AKAP4: variants seen among roughly 807,000 people sequenced by gnomAD.
AKAP4 encodes A-kinase anchoring protein 4, also known as A-kinase anchor protein 4.
A neutral mutation model predicts 42.6 loss-of-function variants in AKAP4; 4 were observed. The observed-to-expected ratio is 0.09, with a 90% CI of 0.05 to 0.22. The LOEUF (loss-of-function observed/expected upper bound fraction) is 0.22. Among genes scored for constraint, AKAP4 ranks in the 10% least tolerant of loss-of-function variants. The pLI is 1.00. For missense variants in AKAP4, 551 were observed against 630.7 expected, an observed-to-expected ratio of 0.87 and a Z score of 1.35; for synonymous variants, 223 against 233.0, an observed-to-expected ratio of 0.96 and a Z score of 0.39.
chrX:50,191,929 A>G (rs933963598), intron 5 of AKAP4, among the ~76,000 whole-genome samples: 18 of 111,294 alleles, frequency 1.6e-4, no homozygotes, highest in African/African-American at 5.2e-4. Context: ...GATACTTCCA[A>G]CACCTCAAGA....
At position 50,193,627 on chromosome X, in the gene AKAP4, T is replaced by C; in HGVS notation, c.1086A>G (p.Pro362=). 1 of 1,211,842 alleles carries C rather than the reference T, an allele frequency of 8.3e-7. No individual in the cohort carries two copies. Among genetic ancestry groups the C allele is most frequent in the Non-Finnish European group, 1.1e-6 (1 of 895,503 alleles). The change falls in exon 5 of 6, where the codon CCA becomes CCG. Residue 362 remains proline, a synonymous_variant. Transcript: ENST00000358526. ...LKVHSSGKPI[P]ASVVLKRVLL... is the part of the protein sequence containing the mutation. ...ACACCCTCTTCAGGACCACAGATGC[T>C]GGAATTGGCTTCCCAGAGCTGTGCA...
At position 50,198,606 on chromosome X, in the gene AKAP4, C is replaced by A. The variant is rs782443328; in HGVS notation, c.123+51G>T. On this transcript the variant is annotated intron_variant, in intron 2 of 5. Coordinates refer to ENST00000358526, the MANE Select transcript of AKAP4 (RefSeq NM_003886.3). Reference sequence around the variant, plus strand: ...TATCTTGGGCCCCAGGATATCTATACCCATATGCCAATTTTTCCTACTCCT... The same window carrying A: ...TATCTTGGGCCCCAGGATATCTATAACCATATGCCAATTTTTCCTACTCCT... 7 of 978,135 alleles carry A rather than the reference C, an allele frequency of 7.2e-6. No individual in the cohort carries two copies. In the Admixed American group the frequency reaches 1.1e-4, roughly 16 times the overall value. The allele number at this position is 978,135 out of a possible 1,213,427, so 80.6% of individuals were successfully genotyped here.
Position 50,192,298 on chromosome X carries a change from A to G in AKAP4, c.2409+6T>C. ...CTTTCTTCTTGTGCCTTAATGCATT[A>G]CTTACCTTTTCCAGTTGTCCATCCT... On this transcript the variant is annotated splice_donor_region_variant and intron_variant, in intron 5 of 5. Coordinates refer to ENST00000358526, the MANE Select transcript of AKAP4 (RefSeq NM_003886.3). 8.5e-7 allele frequency: 1 copy of G among 1,180,184 alleles called. No homozygotes were observed. Among genetic ancestry groups the G allele is most frequent in the Admixed American group, 2.3e-5 (1 of 42,751 alleles).
rs781869477 is a variant in AKAP4 at position 50,193,249 on chromosome X, C to T, written c.1464G>A (p.Lys488=). The change falls in exon 5 of 6, where the codon AAG becomes AAA. Residue 488 remains lysine, a synonymous_variant. Coordinates refer to ENST00000358526, the MANE Select transcript of AKAP4 (RefSeq NM_003886.3). The part of the protein sequence containing the change: ...DKGKMKSDPC[K]SLTSAEKVGE... ...CGACTTTCTCAGCACTAGTCAGTGA[C>T]TTGCATGGGTCTGATTTCATTTTGC... The T allele has an allele frequency of 8.3e-7, 1 of 1,210,045 alleles. No homozygotes were observed. Among genetic ancestry groups the T allele is most frequent in the East Asian group, 3.0e-5 (1 of 33,757 alleles).
chrX:50,196,040 A>T (rs1557204327), intron 4 of AKAP4, among the ~76,000 whole-genome samples: 1 of 111,848 alleles, frequency 8.9e-6, no homozygotes, highest in Non-Finnish European at 1.9e-5. Context: ...TGTAGGAAAC[A>T]TGGGCTGCTT....
chrX:50,195,994 T>C (rs964854875), intron 4 of AKAP4, among the ~76,000 whole-genome samples: 39 of 111,395 alleles, frequency 3.5e-4, no homozygotes, highest in African/African-American at 1.2e-3. Context: ...TTTTTGCAAA[T>C]GAGCTTAAGT....
rs1429088225 is a variant in AKAP4, at chrX:50,193,853, C to A, written c.860G>T (p.Arg287Leu). Residue 287 changes from arginine to leucine, a missense_variant, in exon 5 of 6, where the codon CGT becomes CTT. Arg to Leu is a moderately radical substitution (Grantham distance 102). Transcript: ENST00000358526. ...EAVELTAAEM[R>L]GTGEESREGG... ...TTCCCTGGACTCCTCTCCAGTGCCA[C>A]GCATTTCTGCAGCTGTCAGTTCCAC... The A allele has an allele frequency of 8.3e-7, 1 of 1,211,793 alleles. No individual in the cohort carries two copies. The highest frequency in any genetic ancestry group is 1.1e-6 in the Non-Finnish European group (1 of 895,505).
In AKAP4 at chrX:50,194,255, T is replaced by C; in HGVS notation, c.458A>G (p.Glu153Gly). The change falls in exon 5 of 6, where the codon GAG becomes GGG. Residue 153 changes from glutamate to glycine, a missense_variant. By Grantham distance (98) the Glu-to-Gly change is moderately conservative (BLOSUM62 -2). Coordinates refer to ENST00000358526, the MANE Select transcript of AKAP4 (RefSeq NM_003886.3). ...ATCGGCATAGACACTGTAGCAGTTCTCAGAGGATGCTCTGTGATATTCGCC... is the reference window on the plus strand; with the variant it reads ...ATCGGCATAGACACTGTAGCAGTTCCCAGAGGATGCTCTGTGATATTCGCC... Reference protein sequence around the residue: ...TEGEYHRASSENCYSVYADQV... With the variant: ...TEGEYHRASSGNCYSVYADQV... The C allele has an allele frequency of 8.3e-7, 1 of 1,210,741 alleles. No homozygotes were observed. The highest frequency in any genetic ancestry group is 1.1e-6 in the Non-Finnish European group (1 of 895,121).
In AKAP4 at chrX:50,192,466, C is replaced by G; in HGVS notation, c.2247G>C (p.Gln749His). The change falls in exon 5 of 6, where the codon CAG becomes CAC. Residue 749 changes from glutamine (Q) to histidine (H), a missense_variant. Transcript: ENST00000358526. ...CATGTCCAAGAGAGTCTTGATAGTTCTGTGGCATTGCACCACTGTGAATGC... is the reference window on the plus strand; with the variant it reads ...CATGTCCAAGAGAGTCTTGATAGTTGTGTGGCATTGCACCACTGTGAATGC... ...TRCIHSGAMP[Q>H]NYQDSLGHEV... The G allele has an allele frequency of 1.4e-5, 17 of 1,210,045 alleles. No homozygotes were observed. Among genetic ancestry groups the G allele is most frequent in the Non-Finnish European group, 1.9e-5 (17 of 894,704 alleles).
chrX:50,197,683 CAG>C, intron 2 of AKAP4, 89 bp from the exon 3 acceptor site: 1 of 827,964 alleles, frequency 1.2e-6, no homozygotes. Flanking sequence ...GCACCTACCT[CAG>C]AGGGTTCTTG....
At chrX:50,196,325 G>A (rs1935191735) in intron 4 of AKAP4, among the ~76,000 whole-genome samples, 1 of 111,627 alleles carries the variant, frequency 9.0e-6, no homozygotes, top group Non-Finnish European at 1.9e-5. Context: ...AGGTATGAGA[G>A]GGTGACTTGT....
chrX:50,197,113 C>T (rs1935200778), intron 3 of AKAP4, 121 bp from the exon 4 acceptor site: 1 of 515,975 alleles, frequency 1.9e-6, no homozygotes, highest in Non-Finnish European at 3.2e-6. Flanking sequence ...TTTCTTTCTG[C>T]AGGAGAGGTA....
At position 50,190,960 on chromosome X, in the gene AKAP4, T is replaced by C; in HGVS notation, c.2565A>G (p.Ter855TrpextTer4). 5.0e-6 allele frequency: 6 copies of C among 1,210,126 alleles called. No individual in the cohort carries two copies. The highest frequency in any genetic ancestry group is 5.6e-6 in the Non-Finnish European group (5 of 895,032). The change falls in exon 6 of 6, where the codon TGA becomes TGG. Residue 855 changes from the stop codon to tryptophan (W), a stop_lost. Coordinates refer to ENST00000358526, the MANE Select transcript of AKAP4 (RefSeq NM_003886.3). ...QLLDWLLANL[*>W] ...AGATGAAGAGGAGTCAAGGATCAGC[T>C]CACAGGTTAGCGAGCAGCCAGTCCA...
chrX:50,198,699 A>G lies in AKAP4; in HGVS notation c.81T>C (p.Asp27=). The G allele has an allele frequency of 8.3e-7, 1 of 1,210,209 alleles. No individual in the cohort carries two copies. Among genetic ancestry groups the G allele is most frequent in the Non-Finnish European group, 1.1e-6 (1 of 894,697 alleles). Residue 27 remains aspartate (D), a synonymous_variant, in exon 2 of 6, where the codon GAT becomes GAC. Coordinates refer to ENST00000358526, the MANE Select transcript of AKAP4 (RefSeq NM_003886.3). Reference sequence around the variant, plus strand: ...CTTGCTGTCCTTCTGGGTTGTAGAGATCTACCTTGCACACACCCCTGTGGC... The same window carrying G: ...CTTGCTGTCCTTCTGGGTTGTAGAGGTCTACCTTGCACACACCCCTGTGGC... ...LRSHRGVCKV[D]LYNPEGQQDQ...
intron 4 of AKAP4, among the ~76,000 whole-genome samples, chrX:50,195,063 A>G (rs1389254392): frequency 8.9e-6 from 1 of 112,099 alleles, no homozygotes; most frequent in Non-Finnish European, 1.9e-5. Context: ...AGTATGTATC[A>G]TGCAGCTATA....
At chrX:50,191,848 G>A (rs1557203657) in intron 5 of AKAP4, among the ~76,000 whole-genome samples, 1 of 110,101 alleles carries the variant, frequency 9.1e-6, no homozygotes, top group Admixed American at 9.7e-5. Context: ...GTTTGGGGGA[G>A]GAGCATAGGG....
intron 5 of AKAP4, among the ~76,000 whole-genome samples, chrX:50,191,655 T>TGA (rs1935110618): frequency 1.8e-5 from 1 of 54,310 alleles, no homozygotes; most frequent in African/African-American, 9.3e-5. Flanking sequence ...TGTGTGTGTG[T>TGA]GTGTGAGAGA....
intron 5 of AKAP4, among the ~76,000 whole-genome samples, chrX:50,191,670 A>AAAGAGAG (rs1935114090): frequency 0.017 from 1,487 of 89,926 alleles, 16 homozygotes; most frequent in African/African-American, 0.039. Context: ...GAGAGAGAGA[A>AAAGAGAG]AGAGAGAGAG....
At chrX:50,197,189 A>G (rs1935201784) in intron 3 of AKAP4, among the ~76,000 whole-genome samples, 197 bp from the exon 4 acceptor site, 2 of 109,899 alleles carry the variant, frequency 1.8e-5, no homozygotes, top group South Asian at 7.9e-4. Context: ...ACTACTCCCC[A>G]CTCTGAAGAT....
Sources: allele counts gnomAD v4.1 joint callset (sites outside exome capture counted in the v4.1 genomes callset), GRCh38; gene constraint gnomAD v4.1.1; transcripts MANE v1.5; gene names NCBI Gene and HGNC (gene_info 2026-07-23, HGNC 2026-07-21).